Variants in U2SURP observed in about 807,000 individuals in gnomAD.
U2SURP encodes U2 snRNP-associated SURP motif-containing protein.
U2SURP carries 9 observed loss-of-function variants against 144.9 expected under a neutral mutation model. That is an observed-to-expected ratio of 0.06 (90% confidence interval 0.04 to 0.11). U2SURP has a LOEUF of 0.11. Ranked by LOEUF, U2SURP falls within the 10% of genes least tolerant of loss-of-function variation. U2SURP has a pLI of 1.00. For synonymous variants in U2SURP, 408 were observed against 396.8 expected (o/e 1.03, Z -0.33); for missense variants, 724 against 1,226.7 (o/e 0.59, Z 6.12).
At chr3:143,030,903 T>A (rs1181679474) in intron 16 of U2SURP, among the ~76,000 whole-genome samples, 2 of 152,140 alleles carry the variant, frequency 1.3e-5, no homozygotes, top group African/African-American at 2.4e-5. Flanking sequence ...TTTAAAAAAA[T>A]CTTAAAAATC....
At chr3:143,048,235 G>A (rs1268787063) in intron 24 of U2SURP, among the ~76,000 whole-genome samples, 1 of 152,228 alleles carries the variant, frequency 6.6e-6, no homozygotes, top group Non-Finnish European at 1.5e-5. Context: ...TTTTCTGTGT[G>A]TCTTGGACTT....
rs1384056593 is a variant in U2SURP at position 143,016,987 on chromosome 3, T to C, written c.570+12T>C. On this transcript the variant is annotated intron_variant, in intron 6 of 27. Transcript: ENST00000473835. ...AAACCAAAAAACCTGTAAGTCATAC[T>C]TAAGTAATTGACCATTTATGTTCAG... is the stretch of plus-strand genomic sequence containing the variant. 1.0e-5 allele frequency: 16 copies of C among 1,564,988 alleles called. No individual in the cohort carries two copies. Among genetic ancestry groups the C allele is most frequent in the Non-Finnish European group, 1.4e-5 (16 of 1,164,484 alleles).
chr3:143,028,458 T>C (rs1295900485), intron 15 of U2SURP, 25 bp from the exon 16 acceptor site: 1 of 1,604,420 alleles, frequency 6.2e-7, no homozygotes, highest in East Asian at 2.2e-5. Flanking sequence ...ATTAGACCTT[T>C]ATAATAACTC....
chr3:143,044,686 T>C lies in U2SURP; in HGVS notation c.2544+1410T>C, dbSNP rs111994676. On this transcript the variant is annotated intron_variant, in intron 24 of 27. Coordinates refer to ENST00000473835, the MANE Select transcript of U2SURP (RefSeq NM_001080415.2). ...TGAATTTTCATACTGTATACATTCATTGAACGGTATTTTTGAATGCCTACT... is the reference window on the plus strand; with the variant it reads ...TGAATTTTCATACTGTATACATTCACTGAACGGTATTTTTGAATGCCTACT... 1.5e-3 allele frequency among the ~76,000 whole-genome samples: 231 copies of C among 152,300 alleles called. 1 individual carries two copies. Among genetic ancestry groups the C allele is most frequent in the African/African-American group, 5.4e-3 (223 of 41,550 alleles).
At chr3:143,048,176 A>T (rs1934644092) in intron 24 of U2SURP, among the ~76,000 whole-genome samples, 1 of 152,218 alleles carries the variant, frequency 6.6e-6, no homozygotes, top group African/African-American at 2.4e-5. Context: ...ATAGTTAAGA[A>T]GCCATTGCAT....
intron 16 of U2SURP, among the ~76,000 whole-genome samples, chr3:143,029,089 A>G (rs944484544): frequency 6.6e-6 from 1 of 152,236 alleles, no homozygotes; most frequent in Non-Finnish European, 1.5e-5. Context: ...GATGGCCACC[A>G]TGGAAGTATG....
Position 143,016,903 on chromosome 3 carries a change from T to A in U2SURP, c.498T>A (p.Asp166Glu), listed in dbSNP as rs760272213. 6.3e-7 allele frequency: 1 copy of A among 1,595,872 alleles called. No homozygotes were observed. Among genetic ancestry groups the A allele is most frequent in the Non-Finnish European group, 8.5e-7 (1 of 1,173,392 alleles). ...KIYKPSSRFADQKNPPNQSSN... is the reference protein window; with the variant it reads ...KIYKPSSRFAEQKNPPNQSSN... Reference sequence around the variant, plus strand: ...ATAAGCCATCTTCAAGATTTGCAGATCAAAAAAATCCTCCAAATCAGTCTT... The same window carrying A: ...ATAAGCCATCTTCAAGATTTGCAGAACAAAAAAATCCTCCAAATCAGTCTT... The change falls in exon 6 of 28, where the codon GAT becomes GAA. Residue 166 changes from aspartate (D) to glutamate (E), a missense_variant. Physicochemically the swap from Asp to Glu is conservative, Grantham distance 45. This residue lies in a region of U2SURP where 115 missense variants were observed against 258.1 expected (regional missense o/e 0.45). Transcript: ENST00000473835.
At chr3:143,017,166 T>C (rs1936413202) in intron 6 of U2SURP, 191 bp downstream of exon 6, 1 of 439,738 alleles carries the variant, frequency 2.3e-6, no homozygotes, top group Non-Finnish European at 4.0e-6. Flanking sequence ...GTAGATGATA[T>C]TCTTTTTATG....
At chr3:143,015,744 T>G (rs989943562) in intron 4 of U2SURP, among the ~76,000 whole-genome samples, 2 of 152,172 alleles carry the variant, frequency 1.3e-5, no homozygotes, top group South Asian at 4.1e-4. Context: ...TCATACATGT[T>G]TTGGGGACAT....
intron 23 of U2SURP, among the ~76,000 whole-genome samples, chr3:143,040,551 A>C (rs1934049572): frequency 6.6e-6 from 1 of 151,848 alleles, no homozygotes; most frequent in African/African-American, 2.4e-5. Flanking sequence ...CGTGGCAGAA[A>C]TGTGATTTTT....
chr3:143,003,601 A>G (rs1004677266), intron 1 of U2SURP, among the ~76,000 whole-genome samples: 1 of 151,920 alleles, frequency 6.6e-6, no homozygotes, highest in Non-Finnish European at 1.5e-5. Flanking sequence ...GATAAATTTT[A>G]ATCCTGTGAT....
rs1228377464 is a variant in U2SURP, at chr3:143,010,826, A to G, written c.57A>G (p.Ser19=). The G allele has an allele frequency of 3.1e-6, 5 of 1,607,946 alleles. No individual in the cohort carries two copies. Among genetic ancestry groups the G allele is most frequent in the Admixed American group, 1.7e-5 (1 of 59,722 alleles). ...SQKASSKTRS[S]DVHSSGSSDA... ...TTTGATACTTGTAGACGAGATCATC[A>G]GATGTTCATTCATCTGGATCTTCAG... Residue 19 remains serine (S), a synonymous_variant, in exon 2 of 28, where the codon TCA becomes TCG. Coordinates refer to ENST00000473835, the MANE Select transcript of U2SURP (RefSeq NM_001080415.2).
rs149411539 is a variant in U2SURP, at chr3:143,020,534, G to A, written c.639-65G>A. 353 of 1,018,612 alleles carry A rather than the reference G, an allele frequency of 3.5e-4. 2 individuals are homozygous for A. In the East Asian group the frequency reaches 5.9e-3, roughly 17 times the overall value. The allele number at this position is 1,018,612 out of a possible 1,614,324, so 63.1% of individuals were successfully genotyped here. The stretch of plus-strand genomic sequence containing the variant: ...ATTTGATGATAGTAATTTGATAAGC[G>A]CTATTCTGAAATGTGAATGAACAAA... On this transcript the variant is annotated intron_variant, in intron 7 of 27. Transcript: ENST00000473835.
At chr3:143,010,963 A>T in intron 2 of U2SURP, 104 bp downstream of exon 2, 3 of 803,646 alleles carry the variant, frequency 3.7e-6, no homozygotes, top group Non-Finnish European at 5.5e-6. Flanking sequence ...ATACAATTGT[A>T]TGTGCTTTTT....
intron 26 of U2SURP, among the ~76,000 whole-genome samples, chr3:143,054,047 A>G (rs1031417425): frequency 1.3e-5 from 2 of 152,200 alleles, no homozygotes; most frequent in Admixed American, 6.5e-5. Context: ...CAAGGATTCA[A>G]TTACAGTATT....
chr3:143,012,786 A>G (rs1431303619), intron 3 of U2SURP, among the ~76,000 whole-genome samples: 2 of 152,160 alleles, frequency 1.3e-5, no homozygotes. Flanking sequence ...TGCAGTGCCC[A>G]GGGTAATACA....
chr3:143,021,646 G>A (rs938214149), intron 10 of U2SURP, 91 bp downstream of exon 10: 36 of 1,247,738 alleles, frequency 2.9e-5, no homozygotes, highest in Non-Finnish European at 4.0e-5. Context: ...TTCTGAAGCT[G>A]ACAAATCTGA....
At chr3:143,047,558 G>A (rs1934577198) in intron 24 of U2SURP, among the ~76,000 whole-genome samples, 1 of 41,882 alleles carries the variant, frequency 2.4e-5, no homozygotes, top group Non-Finnish European at 4.6e-5. Context: ...GGACGGGGCG[G>A]CTGGCTGGGC....
chr3:143,007,735 G>A (rs766067836), intron 1 of U2SURP, among the ~76,000 whole-genome samples: 2 of 152,064 alleles, frequency 1.3e-5, no homozygotes, highest in Non-Finnish European at 2.9e-5. Context: ...GAGCCACCGC[G>A]CCCGGCCGAC....
Sources: allele counts gnomAD v4.1 joint callset (sites outside exome capture counted in the v4.1 genomes callset), GRCh38; gene constraint gnomAD v4.1.1; regional missense constraint gnomAD v4.1.1; transcripts MANE v1.5; gene names NCBI Gene and HGNC (gene_info 2026-07-23, HGNC 2026-07-21).